Variants in CCNJL observed in about 807,000 individuals in gnomAD.
CCNJL encodes the protein cyclin-J-like protein.
A neutral mutation model predicts 33.4 loss-of-function variants in CCNJL; 33 were observed. The ratio of observed to expected loss-of-function variants is 0.99; its 90% confidence interval spans 0.75 to 1.32. CCNJL has a LOEUF of 1.32. Among genes scored for constraint, CCNJL ranks in the 40% most tolerant of loss-of-function variants. The pLI is 0.00. For synonymous variants in CCNJL, 227 were observed against 220.9 expected, an observed-to-expected ratio of 1.03 and a Z score of -0.24; for missense variants, 512 against 499.7, an observed-to-expected ratio of 1.02 and a Z score of -0.23.
intron 1 of CCNJL, among the ~76,000 whole-genome samples, chr5:160,324,638 T>TATCTATCTATCTATCTATCTATCTATC (rs1471009849): frequency 6.6e-6 from 1 of 152,132 alleles, no homozygotes; most frequent in African/African-American, 2.4e-5. Flanking sequence ...TCTATCTATC[T>TATCTATCTATCTATCTATCTATCTATC]ATCTATAATA....
At chr5:160,263,051 G>A (rs528739897) in intron 3 of CCNJL, among the ~76,000 whole-genome samples, 96 of 152,288 alleles carry the variant, frequency 6.3e-4, no homozygotes, top group Admixed American at 1.4e-3. Context: ...TTTTGATTTC[G>A]AAAATTTTCA....
Position 160,253,652 on chromosome 5 carries a change from T to C in CCNJL, c.890A>G (p.Gln297Arg), listed in dbSNP as rs199743869. The C allele has an allele frequency of 1.1e-4, 181 of 1,609,648 alleles. No individual in the cohort carries two copies. The highest frequency in any genetic ancestry group is 1.5e-4 in the Non-Finnish European group (175 of 1,176,944). ...TAGGTCCTGCACGGGGGTCTGGAAC[T>C]GTGCCAGGGTGGTCGCTGGCTGGCC... ...ALGQPATTLA[Q>R]FQTPVQDLCL... Residue 297 changes from glutamine (Q) to arginine (R), a missense_variant, in exon 6 of 6, where the codon CAG (glutamine) becomes CGG (arginine). Coordinates refer to ENST00000257536, the MANE Select transcript of CCNJL (RefSeq NM_001308173.3).
Position 160,259,763 on chromosome 5 carries a change from C to T in CCNJL, c.289G>A (p.Glu97Lys), listed in dbSNP as rs373318024. 11 of 1,606,098 alleles carry T rather than the reference C, an allele frequency of 6.8e-6. No individual in the cohort carries two copies. The highest frequency in any genetic ancestry group is 1.1e-5 in the South Asian group (1 of 90,026). The change falls in exon 4 of 6, where the codon GAG becomes AAG. Residue 97 changes from glutamate (E) to lysine (K), a missense_variant. Transcript: ENST00000257536. ...VSCLLLASKF[E>K]DREDHVPKLE... ...TTGGGGACGTGGTCTTCCCGATCCT[C>T]GAACTTACCTGTCGGGGAGCAGGGG...
chr5:160,256,412 G>A (rs957488061), intron 4 of CCNJL, among the ~76,000 whole-genome samples: 11 of 152,178 alleles, frequency 7.2e-5, no homozygotes, highest in African/African-American at 2.4e-4. Flanking sequence ...CCCATAGTAG[G>A]CACTCAGTGA....
At chr5:160,271,113 A>G (rs1330532784) in intron 3 of CCNJL, among the ~76,000 whole-genome samples, 1 of 152,218 alleles carries the variant, frequency 6.6e-6, no homozygotes, top group African/African-American at 2.4e-5. Flanking sequence ...TGCTCCACAC[A>G]TAAAAATAAT....
chr5:160,282,561 T>A (rs1762251033), intron 2 of CCNJL, among the ~76,000 whole-genome samples: 1 of 152,004 alleles, frequency 6.6e-6, no homozygotes, highest in Non-Finnish European at 1.5e-5. Context: ...CACATGTTAA[T>A]AAAAGACTGT....
chr5:160,302,111 T>G (rs772321609), intron 2 of CCNJL, among the ~76,000 whole-genome samples: 8 of 152,212 alleles, frequency 5.3e-5, no homozygotes, highest in Non-Finnish European at 8.8e-5. Flanking sequence ...TATATTCACT[T>G]AAGATCTGTA....
In CCNJL at chr5:160,339,319, T is replaced by G. The variant is rs1439602363; in HGVS notation, n.206+126A>C. On this transcript the variant is annotated intron_variant and non_coding_transcript_variant, in intron 1 of 7. Transcript: ENST00000377503. ...TGTATAATTGCCAGAGTGAAAGTGA[T>G]TATCACTTTGTAACTCTATATAATG... The G allele has an allele frequency of 4.4e-5, 11 of 251,044 alleles. No individual in the cohort carries two copies. The South Asian group carries it at 4.7e-4, about 11-fold the overall frequency. The allele number at this position is 251,044 out of a possible 1,614,324, so 15.6% of individuals were successfully genotyped here.
chr5:160,333,966 G>A (rs1302540091), intron 1 of CCNJL, among the ~76,000 whole-genome samples: 1 of 152,084 alleles, frequency 6.6e-6, no homozygotes, highest in Non-Finnish European at 1.5e-5. Flanking sequence ...AGGTTTTTCA[G>A]TTCCTTAAAG....
At chr5:160,332,358 C>A (rs1763620429) in intron 1 of CCNJL, among the ~76,000 whole-genome samples, 1 of 152,202 alleles carries the variant, frequency 6.6e-6, no homozygotes, top group South Asian at 2.1e-4. Context: ...AACCAGTCGC[C>A]TTACATCTGC....
intron 1 of CCNJL, among the ~76,000 whole-genome samples, chr5:160,328,715 C>CA (rs535753887): frequency 0.16 from 20,844 of 127,524 alleles, 1,526 homozygotes; most frequent in South Asian, 0.22. Context: ...ATTAAAAATA[C>CA]AAAAAAAAAA....
chr5:160,253,447 G>A lies in CCNJL; in HGVS notation c.1095C>T (p.Leu365=), dbSNP rs1006113971. 8 of 1,611,912 alleles carry A rather than the reference G, an allele frequency of 5.0e-6. No individual in the cohort carries two copies. Among genetic ancestry groups the A allele is most frequent in the East Asian group, 4.5e-5 (2 of 44,822 alleles). Residue 365 remains leucine (L), a synonymous_variant, in exon 6 of 6, where the codon CTC becomes CTT. Coordinates refer to ENST00000257536, the MANE Select transcript of CCNJL (RefSeq NM_001308173.3). ...AGTAGCTGCTTCCATAGGTGGTGGC[G>A]AGGCAGTGCCTGGGCTCAGCTGCAA... ...MAIAAEPRHC[L]ATTYGSSYFS... is the part of the protein sequence containing the mutation.
intron 1 of CCNJL, among the ~76,000 whole-genome samples, chr5:160,334,859 G>A (rs1479908187): frequency 1.3e-5 from 2 of 152,260 alleles, no homozygotes; most frequent in Non-Finnish European, 2.9e-5. Flanking sequence ...GGCTGATGAT[G>A]AGCCTTTCCA....
intron 1 of CCNJL, among the ~76,000 whole-genome samples, chr5:160,322,513 T>C (rs1763483499): frequency 6.6e-6 from 1 of 152,248 alleles, no homozygotes; most frequent in South Asian, 2.1e-4. Flanking sequence ...CCAAAATTAC[T>C]GTGTAATCAT....
intron 2 of CCNJL, among the ~76,000 whole-genome samples, chr5:160,281,632 T>A (rs1305621661): frequency 6.6e-6 from 1 of 151,448 alleles, no homozygotes; most frequent in Non-Finnish European, 1.5e-5. Context: ...CAAAGAAGAT[T>A]AGACACTATT....
intron 3 of CCNJL, among the ~76,000 whole-genome samples, chr5:160,265,020 A>G (rs553976772): frequency 3.3e-5 from 5 of 152,326 alleles, no homozygotes; most frequent in African/African-American, 1.2e-4. Flanking sequence ...CAGCATTTAC[A>G]CTGCCTTTAA....
At chr5:160,325,320 C>G (rs1157162894) in intron 1 of CCNJL, among the ~76,000 whole-genome samples, 2 of 152,146 alleles carry the variant, frequency 1.3e-5, no homozygotes, top group African/African-American at 4.8e-5. Flanking sequence ...TTGAGCAGTC[C>G]ATAAACCAGA....
chr5:160,250,521 C>T lies in CCNJL; in HGVS notation c.*2857G>A, dbSNP rs1382060225. 6.6e-6 allele frequency: 1 copy of T among 152,274 alleles called. No homozygotes were observed. Among genetic ancestry groups the T allele is most frequent in the Non-Finnish European group, 1.5e-5 (1 of 68,064 alleles). The allele number at this position is 152,274 out of a possible 1,614,324, so 9.4% of individuals were successfully genotyped here. A position where few individuals can be genotyped will look rare whatever the true frequency, so the allele number is the denominator to read the frequency against. On this transcript the variant is annotated 3_prime_UTR_variant, in exon 6 of 6. Coordinates refer to ENST00000257536, the MANE Select transcript of CCNJL (RefSeq NM_001308173.3). ...CTGCACTTAGCAAATGTCTCAGCCC[C>T]ACAGTGACACCGGCTCTCTGGGGTG...
chr5:160,312,803 G>C (rs1435731000), upstream of CCNJL: 7 of 152,392 alleles, frequency 4.6e-5, no homozygotes, highest in East Asian at 1.2e-3. Context: ...AGGGAGCAAA[G>C]GGACCGCGGC....
Sources: gnomAD v4.1 joint callset for allele counts (sites outside exome capture counted in the v4.1 genomes callset) on GRCh38, gnomAD v4.1.1 for gene constraint, MANE v1.5 for transcripts, NCBI Gene and HGNC (gene_info 2026-07-23, HGNC 2026-07-21) for gene names.